The following ADARB2 variants were observed in gnomAD, a reference collection of about 807,000 sequenced individuals.
ADARB2 encodes the protein inactive double-stranded RNA-specific editase B2.
ADARB2 carries 25 observed loss-of-function variants against 62.2 expected under a neutral mutation model. The observed-to-expected ratio is 0.40, with a 90% CI of 0.29 to 0.56. The LOEUF is 0.56. Ranked by LOEUF, ADARB2 falls within the 20% of genes least tolerant of loss-of-function variation. The pLI is 0.43. For synonymous variants in ADARB2, 572 were observed against 500.8 expected, an observed-to-expected ratio of 1.14 and a Z score of -1.90; for missense variants, 1,071 against 1,077.4, an observed-to-expected ratio of 0.99 and a Z score of 0.08.
intron 1 of ADARB2, among the ~76,000 whole-genome samples, chr10:1,487,168 C>T (rs983057828): frequency 6.6e-6 from 1 of 152,242 alleles, no homozygotes; most frequent in African/African-American, 2.4e-5. Flanking sequence ...GATAGCAAAC[C>T]TGGAAAGTCA....
chr10:1,643,759 C>G (rs1554777925), intron 1 of ADARB2, among the ~76,000 whole-genome samples: 1 of 151,888 alleles, frequency 6.6e-6, no homozygotes, highest in South Asian at 2.1e-4. Context: ...TCTTTTTTTT[C>G]TGTACAGAGG....
At chr10:1,688,409 G>A (rs1834624503) in intron 1 of ADARB2, among the ~76,000 whole-genome samples, 1 of 152,228 alleles carries the variant, frequency 6.6e-6, no homozygotes, top group Admixed American at 6.5e-5. Flanking sequence ...CCAAGCTCCA[G>A]ACCTTGGGAT....
intron 1 of ADARB2, among the ~76,000 whole-genome samples, chr10:1,403,457 C>T (rs977852460): frequency 1.3e-5 from 2 of 152,168 alleles, no homozygotes; most frequent in African/African-American, 4.8e-5. Context: ...ATTATATATA[C>T]GTTTTTTAAG....
At chr10:1,593,959 G>C (rs1198137084) in intron 1 of ADARB2, among the ~76,000 whole-genome samples, 1 of 152,138 alleles carries the variant, frequency 6.6e-6, no homozygotes, top group Non-Finnish European at 1.5e-5. Context: ...GAGCCATCCA[G>C]TCAGCTGCGG....
chr10:1,647,771 GGT>G (rs1054115814), intron 1 of ADARB2, among the ~76,000 whole-genome samples: 2 of 151,132 alleles, frequency 1.3e-5, no homozygotes. Flanking sequence ...GTGTATGTGT[GGT>G]GTGTGTATAT....
At chr10:1,402,833 T>G (rs1182222355) in intron 1 of ADARB2, among the ~76,000 whole-genome samples, 1 of 152,248 alleles carries the variant, frequency 6.6e-6, no homozygotes, top group Non-Finnish European at 1.5e-5. Flanking sequence ...GTGTCCAGTG[T>G]AAAACAGAAA....
intron 1 of ADARB2, among the ~76,000 whole-genome samples, chr10:1,610,917 C>G (rs763805167): frequency 9.2e-5 from 14 of 152,186 alleles, no homozygotes; most frequent in African/African-American, 1.4e-4. Flanking sequence ...GACTCACACA[C>G]ACACATGAGG....
chr10:1,589,808 G>A (rs913769231), intron 1 of ADARB2, among the ~76,000 whole-genome samples: 1 of 152,180 alleles, frequency 6.6e-6, no homozygotes, highest in Non-Finnish European at 1.5e-5. Flanking sequence ...TGAGTAGCTG[G>A]GATTACAGGT....
intron 5 of ADARB2, among the ~76,000 whole-genome samples, chr10:1,241,131 C>T (rs1313061508): frequency 2.0e-5 from 3 of 152,136 alleles, no homozygotes; most frequent in African/African-American, 7.2e-5. Flanking sequence ...TGGTGGTGAA[C>T]GCCTGTAGAC....
chr10:1,375,957 GCACACACACACATGTGCA>G (rs1001653868), intron 2 of ADARB2, among the ~76,000 whole-genome samples: 1 of 30,404 alleles, frequency 3.3e-5, no homozygotes, highest in African/African-American at 3.8e-5. Flanking sequence ...CCACACACAT[GCACACACACACATGTGCA>G]CACACACGCA....
In ADARB2 at chr10:1,242,115, G is replaced by A. The variant is rs772514190; in HGVS notation, c.1361+16C>T. On this transcript the variant is annotated intron_variant, in intron 5 of 9. Coordinates refer to ENST00000381312, the MANE Select transcript of ADARB2 (RefSeq NM_018702.4). ...GCGGCGTCCGCCTTCCCTGGAGCCC[G>A]TCCCCAGCCGCTCACCTCAGGTGCA... 8.4e-5 allele frequency: 134 copies of A among 1,588,380 alleles called. No individual in the cohort carries two copies. Among genetic ancestry groups the A allele is most frequent in the Non-Finnish European group, 1.0e-4 (120 of 1,168,764 alleles).
intron 1 of ADARB2, among the ~76,000 whole-genome samples, chr10:1,591,116 A>AT (rs1393575353): frequency 6.6e-6 from 1 of 152,242 alleles, no homozygotes; most frequent in Non-Finnish European, 1.5e-5. Flanking sequence ...GGTTCCTCAG[A>AT]AGAGGATTCC....
At chr10:1,570,482 C>T (rs1046653844) in intron 1 of ADARB2, among the ~76,000 whole-genome samples, 1 of 152,166 alleles carries the variant, frequency 6.6e-6, no homozygotes, top group Non-Finnish European at 1.5e-5. Context: ...CAGGAAAGGC[C>T]TCCCTCCCGA....
At chr10:1,282,951 T>C (rs76378275) in intron 3 of ADARB2, among the ~76,000 whole-genome samples, 3,970 of 152,288 alleles carry the variant, frequency 0.026, 62 homozygotes, top group Middle Eastern at 0.048. Context: ...TCCCATCATA[T>C]CTTTCAATTC....
At chr10:1,496,805 A>G (rs1487491028) in intron 1 of ADARB2, among the ~76,000 whole-genome samples, 1 of 152,180 alleles carries the variant, frequency 6.6e-6, no homozygotes, top group Admixed American at 6.5e-5. Context: ...CATCACCAAC[A>G]TTGTCATCAT....
At chr10:1,619,538 A>G (rs987986493) in intron 1 of ADARB2, among the ~76,000 whole-genome samples, 3 of 152,038 alleles carry the variant, frequency 2.0e-5, no homozygotes, top group Non-Finnish European at 4.4e-5. Flanking sequence ...TGCAACCTCC[A>G]CCTCCCAGGT....
At chr10:1,247,211 A>C (rs1830994128) in intron 4 of ADARB2, among the ~76,000 whole-genome samples, 3 of 152,226 alleles carry the variant, frequency 2.0e-5, no homozygotes, top group Admixed American at 2.0e-4. Flanking sequence ...GTTGCCTGTC[A>C]GCTTAAGGAG....
At chr10:1,594,516 G>C (rs565727549) in intron 1 of ADARB2, among the ~76,000 whole-genome samples, 1 of 152,166 alleles carries the variant, frequency 6.6e-6, no homozygotes, top group Non-Finnish European at 1.5e-5. Context: ...GGTGTTTGCC[G>C]TGAGCAGATG....
At chr10:1,643,826 T>A (rs1217738056) in intron 1 of ADARB2, among the ~76,000 whole-genome samples, 1 of 152,116 alleles carries the variant, frequency 6.6e-6, no homozygotes, top group African/African-American at 2.4e-5. Flanking sequence ...CTAATTCCAA[T>A]CCTGAGAATG....
Sources: allele counts gnomAD v4.1 joint callset (sites outside exome capture counted in the v4.1 genomes callset), GRCh38; gene constraint gnomAD v4.1.1; transcripts MANE v1.5; gene names NCBI Gene and HGNC (gene_info 2026-07-23, HGNC 2026-07-21).